ADGRL3: variants seen among roughly 807,000 people sequenced by gnomAD.
ADGRL3 encodes adhesion G protein-coupled receptor L3, also known as calcium-independent alpha-latrotoxin receptor 3.
ADGRL3 carries 62 observed loss-of-function variants against 153.5 expected under a neutral mutation model. The ratio of observed to expected loss-of-function variants is 0.40; its 90% CI spans 0.33 to 0.50. ADGRL3 has a LOEUF of 0.50. Among genes scored for constraint, ADGRL3 ranks in the 20% least tolerant of loss-of-function variants. The pLI is 0.47. For missense variants in ADGRL3, 1,641 were observed against 1,859.4 expected, an observed-to-expected ratio of 0.88 and a Z score of 2.16; for synonymous variants, 710 against 672.5, an observed-to-expected ratio of 1.06 and a Z score of -0.86.
intron 25 of ADGRL3, among the ~76,000 whole-genome samples, chr4:62,050,637 C>G (rs572731466): frequency 6.6e-6 from 1 of 152,052 alleles, no homozygotes; most frequent in Admixed American, 6.6e-5. Context: ...TGTTTCACTG[C>G]AATTAATGAT....
At chr4:61,936,145 C>A in intron 15 of ADGRL3, 100 bp downstream of exon 15, 1 of 1,298,056 alleles carries the variant, frequency 7.7e-7, no homozygotes, top group African/African-American at 1.5e-5. Context: ...GGAGCTTTTC[C>A]CCTCTTCCTC....
chr4:61,641,931 C>T (rs2093695088), intron 5 of ADGRL3, among the ~76,000 whole-genome samples: 1 of 148,406 alleles, frequency 6.7e-6, no homozygotes, highest in Admixed American at 6.8e-5. Flanking sequence ...TGTTTCTCCA[C>T]ATCCTCTCCA....
At chr4:61,859,314 G>A (rs987166466) in intron 9 of ADGRL3, among the ~76,000 whole-genome samples, 1 of 152,110 alleles carries the variant, frequency 6.6e-6, no homozygotes, top group Non-Finnish European at 1.5e-5. Flanking sequence ...CAGAAAGGAA[G>A]CTACATGAAA....
At chr4:61,386,515 A>G (rs1185274516) in intron 2 of ADGRL3, among the ~76,000 whole-genome samples, 2 of 152,188 alleles carry the variant, frequency 1.3e-5, no homozygotes, top group South Asian at 2.1e-4. Flanking sequence ...TTTGTTCAGC[A>G]GGGTTTATAC....
At chr4:61,946,402 A>T (rs2098924326) in intron 15 of ADGRL3, among the ~76,000 whole-genome samples, 1 of 152,074 alleles carries the variant, frequency 6.6e-6, no homozygotes, top group Admixed American at 6.5e-5. Context: ...CCATTTTAAG[A>T]TGCCATTATT....
chr4:61,866,590 C>A (rs1463109225), intron 9 of ADGRL3, among the ~76,000 whole-genome samples: 2 of 152,158 alleles, frequency 1.3e-5, no homozygotes, highest in African/African-American at 2.4e-5. Context: ...CTACTTCATT[C>A]TCTTGCTTCC....
At chr4:61,452,508 A>C (rs1373212159) in intron 2 of ADGRL3, among the ~76,000 whole-genome samples, 1 of 152,182 alleles carries the variant, frequency 6.6e-6, no homozygotes, top group East Asian at 1.9e-4. Flanking sequence ...TGATTTCTGA[A>C]ACAGGAAGGC....
chr4:61,670,277 A>G (rs543030326), intron 5 of ADGRL3, among the ~76,000 whole-genome samples: 173 of 152,250 alleles, frequency 1.1e-3, no homozygotes, highest in Non-Finnish European at 2.2e-3. Context: ...TTGGTGACAG[A>G]GCAAGACTTC....
chr4:61,892,775 A>C lies in ADGRL3; in HGVS notation c.1600A>C (p.Ser534Arg). The C allele has an allele frequency of 1.9e-6, 3 of 1,613,698 alleles. No individual in the cohort carries two copies. Among genetic ancestry groups the C allele is most frequent in the Non-Finnish European group, 2.5e-6 (3 of 1,179,672 alleles). ...TPSVSGRRNRSTSTPSPAVEV... is the reference protein window; with the variant it reads ...TPSVSGRRNRRTSTPSPAVEV... ...GTCAGTGTCAGGAAGAAGAAACCGG[A>C]GTACTAGTACCCCATCTCCAGCTGT... The change falls in exon 10 of 27, where the codon AGT becomes CGT. Residue 534 changes from serine to arginine, a missense_variant. Ser to Arg is a moderately radical substitution (Grantham distance 110). Coordinates refer to ENST00000683033, the MANE Select transcript of ADGRL3 (RefSeq NM_001387552.1).
intron 2 of ADGRL3, among the ~76,000 whole-genome samples, chr4:61,461,718 T>C (rs548417114): frequency 6.6e-6 from 1 of 152,268 alleles, no homozygotes; most frequent in African/African-American, 2.4e-5. Flanking sequence ...TCACATGAAA[T>C]ATTAGGGACA....
At chr4:62,000,666 A>C (rs1158111733) in intron 21 of ADGRL3, among the ~76,000 whole-genome samples, 1 of 152,192 alleles carries the variant, frequency 6.6e-6, no homozygotes, top group Non-Finnish European at 1.5e-5. Flanking sequence ...TTAAATGGGC[A>C]GAAGAACATA....
At chr4:61,255,978 C>T (rs2091922693) in intron 1 of ADGRL3, among the ~76,000 whole-genome samples, 1 of 152,128 alleles carries the variant, frequency 6.6e-6, no homozygotes, top group South Asian at 2.1e-4. Context: ...AGTCTTCTGG[C>T]CCCTCCCCAA....
chr4:61,875,519 C>A (rs955035697), intron 9 of ADGRL3, among the ~76,000 whole-genome samples: 1 of 152,052 alleles, frequency 6.6e-6, no homozygotes, highest in Non-Finnish European at 1.5e-5. Context: ...AATGTTCATT[C>A]CTTGATACTG....
At chr4:61,623,668 A>G (rs1316485894) in intron 5 of ADGRL3, among the ~76,000 whole-genome samples, 1 of 152,122 alleles carries the variant, frequency 6.6e-6, no homozygotes, top group South Asian at 2.1e-4. Context: ...AGTATTTACT[A>G]CATTCTTCAT....
chr4:61,991,810 T>C (rs2099104797), intron 19 of ADGRL3, among the ~76,000 whole-genome samples: 2 of 151,008 alleles, frequency 1.3e-5, no homozygotes, highest in Non-Finnish European at 3.0e-5. Flanking sequence ...CTTTTCTCTC[T>C]TCTGTCCTTC....
intron 9 of ADGRL3, among the ~76,000 whole-genome samples, chr4:61,849,411 T>C (rs2098174868): frequency 6.6e-6 from 1 of 152,154 alleles, no homozygotes; most frequent in African/African-American, 2.4e-5. Context: ...CACTTAGCAC[T>C]AAAGCTCTGT....
intron 8 of ADGRL3, among the ~76,000 whole-genome samples, chr4:61,743,181 G>A (rs1301576955): frequency 1.3e-5 from 2 of 151,744 alleles, no homozygotes; most frequent in Non-Finnish European, 2.9e-5. Context: ...TTAGCTGGGA[G>A]TGGTGGTGGG....
chr4:61,373,294 G>T (rs1221190383), intron 1 of ADGRL3, among the ~76,000 whole-genome samples: 1 of 151,982 alleles, frequency 6.6e-6, no homozygotes, highest in Admixed American at 6.6e-5. Flanking sequence ...CTTTGCTCTT[G>T]ATTTTTTATT....
At chr4:61,522,943 T>C (rs531525358) in intron 4 of ADGRL3, among the ~76,000 whole-genome samples, 23 of 152,062 alleles carry the variant, frequency 1.5e-4, no homozygotes, top group Non-Finnish European at 2.8e-4. Context: ...CTTAAACATT[T>C]GTTGTAGCAT....
Sources: allele counts gnomAD v4.1 joint callset (sites outside exome capture counted in the v4.1 genomes callset), GRCh38; gene constraint gnomAD v4.1.1; transcripts MANE v1.5; gene names NCBI Gene and HGNC (gene_info 2026-07-23, HGNC 2026-07-21).